The following CA10 variants were observed in gnomAD, a reference collection of about 807,000 sequenced individuals.
CA10 encodes carbonic anhydrase-related protein 10.
A neutral mutation model predicts 44.2 loss-of-function variants in CA10; 14 were observed. The observed-to-expected ratio is 0.32, with a 90% confidence interval of 0.21 to 0.50. The LOEUF (loss-of-function observed/expected upper bound fraction) is 0.50, where lower values mean the gene tolerates loss of function less well. CA10 is among the 20% of genes least tolerant of loss of function. The pLI is 0.99. For missense variants in CA10, 350 were observed against 409.7 expected, an observed-to-expected ratio of 0.85 and a Z score of 1.26; for synonymous variants, 159 against 141.6, an observed-to-expected ratio of 1.12 and a Z score of -0.87.
chr17:51,978,203 C>G (rs1239542529), intron 2 of CA10, among the ~76,000 whole-genome samples: 1 of 151,970 alleles, frequency 6.6e-6, no homozygotes, highest in East Asian at 1.9e-4. Context: ...TTCAAATAAT[C>G]TAAAATGGCC....
intron 3 of CA10, among the ~76,000 whole-genome samples, chr17:51,752,980 T>C (rs1422745617): frequency 6.6e-6 from 1 of 152,128 alleles, no homozygotes; most frequent in Non-Finnish European, 1.5e-5. Context: ...GTTGGGGATT[T>C]TCATTTCTTC....
intron 1 of CA10, among the ~76,000 whole-genome samples, chr17:52,139,855 G>A (rs1218085484): frequency 6.6e-6 from 1 of 152,152 alleles, no homozygotes; most frequent in Non-Finnish European, 1.5e-5. Flanking sequence ...ACTTTGCACA[G>A]TGCCTGTTAG....
intron 4 of CA10, among the ~76,000 whole-genome samples, chr17:51,659,081 G>C (rs1434709918): frequency 1.3e-5 from 2 of 152,120 alleles, no homozygotes; most frequent in Non-Finnish European, 2.9e-5. Context: ...ATTATTTCTG[G>C]GTGTGCCTGT....
intron 1 of CA10, among the ~76,000 whole-genome samples, chr17:52,105,065 A>G (rs980787153): frequency 6.6e-6 from 1 of 152,150 alleles, no homozygotes; most frequent in Admixed American, 6.5e-5. Context: ...GGGTAGGGCA[A>G]CATGGGTAAT....
chr17:51,702,033 G>A (rs1425813826), intron 4 of CA10, among the ~76,000 whole-genome samples: 1 of 152,136 alleles, frequency 6.6e-6, no homozygotes, highest in Non-Finnish European at 1.5e-5. Flanking sequence ...CCTACCATGT[G>A]AGAGTCAGAA....
At chr17:51,859,898 T>C (rs981275869) in intron 3 of CA10, among the ~76,000 whole-genome samples, 3 of 152,168 alleles carry the variant, frequency 2.0e-5, no homozygotes. Context: ...CACATAAGAA[T>C]AAATGTTATA....
At chr17:51,700,696 G>A (rs892285008) in intron 4 of CA10, among the ~76,000 whole-genome samples, 3 of 152,054 alleles carry the variant, frequency 2.0e-5, no homozygotes, top group African/African-American at 7.2e-5. Context: ...TGCTTTTCAC[G>A]ACAGCACTTA....
At chr17:52,047,362 C>T (rs1986941047) in intron 2 of CA10, among the ~76,000 whole-genome samples, 2 of 151,928 alleles carry the variant, frequency 1.3e-5, no homozygotes, top group African/African-American at 4.8e-5. Context: ...TATTACATAT[C>T]CTGCTTTTAC....
chr17:51,986,554 G>C (rs912338467), intron 2 of CA10, among the ~76,000 whole-genome samples: 1 of 151,814 alleles, frequency 6.6e-6, no homozygotes, highest in African/African-American at 2.4e-5. Flanking sequence ...GCAAAGGGAA[G>C]AGTTAGCAGA....
chr17:52,114,662 A>G (rs1988852730), intron 1 of CA10, among the ~76,000 whole-genome samples: 1 of 152,204 alleles, frequency 6.6e-6, no homozygotes. Context: ...TGGGACCAAC[A>G]CTGGTCCTAC....
At chr17:52,012,837 AT>A (rs996727493) in intron 2 of CA10, among the ~76,000 whole-genome samples, 19 of 149,564 alleles carry the variant, frequency 1.3e-4, no homozygotes, top group South Asian at 2.1e-4. Context: ...AAAAAAAAAA[AT>A]GTCCTATTTT....
chr17:51,763,511 C>A (rs905825014), intron 3 of CA10: 1 of 152,176 alleles, frequency 6.6e-6, no homozygotes, highest in Admixed American at 6.5e-5. Flanking sequence ...TTTCTATACA[C>A]AGAAGACAAT....
intron 3 of CA10, among the ~76,000 whole-genome samples, chr17:51,800,246 C>T (rs866325608): frequency 1.3e-5 from 2 of 152,120 alleles, no homozygotes; most frequent in Non-Finnish European, 2.9e-5. Flanking sequence ...GGAAAACAGA[C>T]ACAAACGGCT....
intron 4 of CA10, among the ~76,000 whole-genome samples, chr17:51,667,141 G>A (rs1280207583): frequency 6.6e-6 from 1 of 152,172 alleles, no homozygotes; most frequent in Non-Finnish European, 1.5e-5. Context: ...TCTGTTTTAT[G>A]GGCTCTTACA....
chr17:51,767,345 G>A (rs1398060660), intron 3 of CA10, among the ~76,000 whole-genome samples: 1 of 152,074 alleles, frequency 6.6e-6, no homozygotes, highest in East Asian at 1.9e-4. Flanking sequence ...TCTTAAATTT[G>A]TAAAACAAAC....
intron 3 of CA10, among the ~76,000 whole-genome samples, chr17:51,903,827 G>C (rs1567879201): frequency 1.3e-5 from 2 of 152,120 alleles, no homozygotes; most frequent in African/African-American, 4.8e-5. Context: ...CACAAAGAAA[G>C]AGAATAAGGT....
At chr17:51,813,570 G>A (rs1449343571) in intron 3 of CA10, among the ~76,000 whole-genome samples, 1 of 152,190 alleles carries the variant, frequency 6.6e-6, no homozygotes, top group Non-Finnish European at 1.5e-5. Context: ...ATGGTTGTTT[G>A]CATGTTTCAC....
At chr17:52,079,445 C>G (rs974656054) in intron 1 of CA10, among the ~76,000 whole-genome samples, 2 of 142,760 alleles carry the variant, frequency 1.4e-5, no homozygotes, top group Non-Finnish European at 1.5e-5. Flanking sequence ...GGGGACAGAG[C>G]GAGACTCCGT....
intron 4 of CA10, among the ~76,000 whole-genome samples, chr17:51,693,350 T>A (rs1286687971): frequency 2.6e-5 from 4 of 152,130 alleles, no homozygotes; most frequent in Non-Finnish European, 5.9e-5. Context: ...TAAAAAAAAA[T>A]AATTTTAACA....
Sources: gnomAD v4.1 joint callset for allele counts (sites outside exome capture counted in the v4.1 genomes callset) on GRCh38, gnomAD v4.1.1 for gene constraint, MANE v1.5 for transcripts, NCBI Gene and HGNC (gene_info 2026-07-23, HGNC 2026-07-21) for gene names.